A2ML1: variants seen among roughly 807,000 people sequenced by gnomAD.
A2ML1 encodes the protein alpha-2-macroglobulin like 1.
A neutral mutation model predicts 181.9 loss-of-function variants in A2ML1; 161 were observed. The ratio of observed to expected loss-of-function variants is 0.89; its 90% CI spans 0.78 to 1.01. The LOEUF (loss-of-function observed/expected upper bound fraction) is 1.01. Among genes scored for constraint, A2ML1 ranks in the 50% least tolerant of loss-of-function variants. The pLI is 0.00. For synonymous variants in A2ML1, 663 were observed against 666.8 expected (o/e 0.99, Z 0.09); for missense variants, 1,670 against 1,768.1 (o/e 0.94, Z 1.00).
chr12:8,855,367 G>C (rs1307882374), intron 22 of A2ML1, 142 bp from the exon 23 acceptor site: 2 of 691,824 alleles, frequency 2.9e-6, no homozygotes, highest in Admixed American at 2.5e-5. Context: ...ACTATGAATA[G>C]TACCCAGTGC....
At chr12:8,886,563 G>C (rs1276089983) in exon 8 of A2ML1, 1 of 152,098 alleles carries the variant, frequency 6.6e-6, no homozygotes, top group African/African-American at 2.4e-5. Flanking sequence ...TGACAGCATA[G>C]TGGACTCTGT....
intron 10 of A2ML1, 136 bp from the exon 11 acceptor site, chr12:8,841,233 G>A (rs1943469016): frequency 2.7e-6 from 2 of 744,232 alleles, no homozygotes; most frequent in Non-Finnish European, 4.3e-6. Flanking sequence ...TTCCTGAAAT[G>A]TATTCTTAGA....
chr12:8,842,280 T>G (rs552435564), intron 11 of A2ML1, among the ~76,000 whole-genome samples: 34 of 151,658 alleles, frequency 2.2e-4, no homozygotes, highest in Non-Finnish European at 4.6e-4. Context: ...TGCAGTGGCG[T>G]GATCTCGGCT....
chr12:8,822,713 C>G lies in A2ML1; in HGVS notation c.62C>G (p.Pro21Arg). 6.2e-7 allele frequency: 1 copy of G among 1,614,074 alleles called. No individual in the cohort carries two copies. The highest frequency in any genetic ancestry group is 8.5e-7 in the Non-Finnish European group (1 of 1,179,926). The part of the protein sequence containing the change: ...ALSPAIAEEL[P>R]NYLVTLPARL... ...TCACCAGCCATTGCAGAAGAACTTC[C>G]GTGAGTGCTTGGTGTCAGAATTGGT... Residue 21 changes from proline (P) to arginine (R), a missense_variant and splice_region_variant, in exon 1 of 36, where the codon CCA (proline) becomes CGA (arginine). Pro to Arg is a moderately radical substitution (Grantham distance 103). Coordinates refer to ENST00000299698, the MANE Select transcript of A2ML1 (RefSeq NM_144670.6).
intron 25 of A2ML1, 29 bp downstream of exon 25, chr12:8,857,617 T>A (rs751519177): frequency 6.3e-7 from 1 of 1,596,724 alleles, no homozygotes; most frequent in African/African-American, 1.3e-5. Flanking sequence ...CAATGAGTTC[T>A]GTACTCCAGA....
chr12:8,885,457 A>AT (rs1565501776), intron 7 of A2ML1, among the ~76,000 whole-genome samples: 1 of 148,780 alleles, frequency 6.7e-6, no homozygotes, highest in East Asian at 1.9e-4. Flanking sequence ...ATTTTATTTT[A>AT]TTTTTTTTAG....
chr12:8,858,611 G>A lies in A2ML1; in HGVS notation c.3264+509G>A, dbSNP rs1944153856. 2.6e-5 allele frequency among the ~76,000 whole-genome samples: 4 copies of A among 152,078 alleles called. No individual in the cohort carries two copies. In the South Asian group the frequency reaches 8.3e-4, roughly 32 times the overall value. ...AAAAAGAAAAAGAGAATGTGGACTG[G>A]AACATGGTTCTCAAAGCATAGTTCC... On this transcript the variant is annotated intron_variant, in intron 26 of 35. Coordinates refer to ENST00000299698, the MANE Select transcript of A2ML1 (RefSeq NM_144670.6).
At chr12:8,829,958 C>T (rs926009945) in intron 4 of A2ML1, among the ~76,000 whole-genome samples, 179 bp downstream of exon 4, 2 of 152,134 alleles carry the variant, frequency 1.3e-5, no homozygotes, top group African/African-American at 4.8e-5. Context: ...CCTAAATCAG[C>T]CTAGGAACAA....
At position 8,876,222 on chromosome 12, in the gene A2ML1, T is replaced by C. The variant is rs1452414590; in HGVS notation, c.*166T>C. On this transcript the variant is annotated 3_prime_UTR_variant, in exon 36 of 36. Transcript: ENST00000299698. ...GAACCTCAGCTATAATACTTTCTAC[T>C]ACCTTTGCAAGGAGATGGGATAGGA... is the stretch of plus-strand genomic sequence containing the variant. The C allele has an allele frequency of 6.6e-6, 1 of 152,236 alleles. No homozygotes were observed. The highest frequency in any genetic ancestry group is 2.1e-4 in the South Asian group (1 of 4,834). 9.4% of individuals were successfully genotyped at this position (152,236 alleles called of 1,614,324 possible).
intron 8 of A2ML1, 82 bp from the exon 9 acceptor site, chr12:8,838,254 C>A: frequency 1.1e-6 from 1 of 930,716 alleles, no homozygotes; most frequent in Non-Finnish European, 1.6e-6. Context: ...GAAATTATTT[C>A]CTTCTACAGA....
rs750414332 is a variant in A2ML1 at position 8,843,161 on chromosome 12, T to C, written c.1276T>C (p.Tyr426His). The C allele has an allele frequency of 6.2e-7, 1 of 1,614,110 alleles. No homozygotes were observed. Among genetic ancestry groups the C allele is most frequent in the Non-Finnish European group, 8.5e-7 (1 of 1,180,056 alleles). Residue 426 changes from tyrosine to histidine, a missense_variant, in exon 12 of 36, where the codon TAT becomes CAT. Tyr to His is a moderately conservative substitution (Grantham distance 83). Coordinates refer to ENST00000299698, the MANE Select transcript of A2ML1 (RefSeq NM_144670.6). ...AAAGTTTCAAATGGAAGACTTAGTA[T>C]ATAATCCGGAACAAGTGCCACGTTA... ...EGKFQMEDLV[Y>H]NPEQVPRYYQ... is the part of the protein sequence containing the mutation.
chr12:8,876,240 G>C lies in A2ML1; in HGVS notation c.*184G>C, dbSNP rs943401183. On this transcript the variant is annotated 3_prime_UTR_variant, in exon 36 of 36. Transcript: ENST00000299698. The stretch of plus-strand genomic sequence containing the variant: ...TTTCTACTACCTTTGCAAGGAGATG[G>C]GATAGGAACAATCACTCAGAGGAGG... 6.6e-6 allele frequency: 1 copy of C among 152,210 alleles called. No homozygotes were observed. The allele number at this position is 152,210 out of a possible 1,614,324, so 9.4% of individuals were successfully genotyped here. A position where few individuals can be genotyped will look rare whatever the true frequency, so the allele number is the denominator to read the frequency against.
intron 4 of A2ML1, among the ~76,000 whole-genome samples, chr12:8,833,615 T>A (rs1272809608): frequency 6.6e-6 from 1 of 151,442 alleles, no homozygotes; most frequent in Non-Finnish European, 1.5e-5. Flanking sequence ...AGGCTGGTCT[T>A]GAACTCCTAA....
chr12:8,834,897 C>T, intron 5 of A2ML1: 1 of 587,698 alleles, frequency 1.7e-6, no homozygotes, highest in Non-Finnish European at 3.0e-6. Context: ...GACAAGGACA[C>T]CAGCCTCTGT....
At chr12:8,864,139 T>C in intron 29 of A2ML1, 131 bp downstream of exon 29, 1 of 754,314 alleles carries the variant, frequency 1.3e-6, no homozygotes, top group East Asian at 2.7e-5. Flanking sequence ...GAACAATATA[T>C]GGAAGTATTC....
In A2ML1 at chr12:8,848,857, T is replaced by C; in HGVS notation, c.1971T>C (p.Arg657=). The part of the protein sequence containing the change: ...DPMPQGHSSQ[R]SIIWRPSFSE... ...TGCCCCAAGGGCATTCGAGCCAGCG[T>C]TCCATTATCTGGAGGCCCTCGTTCT... Residue 657 remains arginine, a synonymous_variant, in exon 16 of 36, where the codon CGT becomes CGC. Transcript: ENST00000299698. The C allele has an allele frequency of 6.2e-7, 1 of 1,614,180 alleles. No individual in the cohort carries two copies. The highest frequency in any genetic ancestry group is 1.1e-5 in the South Asian group (1 of 91,072).
At chr12:8,854,291 A>AC in intron 21 of A2ML1, 42 bp downstream of exon 21, 1 of 1,547,970 alleles carries the variant, frequency 6.5e-7, no homozygotes, top group Non-Finnish European at 8.7e-7. Context: ...CAACCGAGGG[A>AC]TGCTCAGCAT....
At chr12:8,867,009 ATC>A (rs1385426497) in intron 29 of A2ML1, among the ~76,000 whole-genome samples, 1 of 152,192 alleles carries the variant, frequency 6.6e-6, no homozygotes, top group Non-Finnish European at 1.5e-5. Context: ...GTGACAGTTT[ATC>A]TGTCTTATTC....
At chr12:8,853,518 T>C (rs1226115571) in intron 20 of A2ML1, among the ~76,000 whole-genome samples, 2 of 152,076 alleles carry the variant, frequency 1.3e-5, no homozygotes, top group African/African-American at 4.8e-5. Flanking sequence ...TCTCATGAGG[T>C]TGCAATCAAG....
Sources: allele counts gnomAD v4.1 joint callset (sites outside exome capture counted in the v4.1 genomes callset), GRCh38; gene constraint gnomAD v4.1.1; transcripts MANE v1.5; gene names NCBI Gene and HGNC (gene_info 2026-07-23, HGNC 2026-07-21).